The following PCDH11Y variants were observed in gnomAD, a reference collection of about 807,000 sequenced individuals.
PCDH11Y encodes protocadherin-11 Y-linked.
For missense variants in PCDH11Y, 12 were observed against 224.8 expected, an observed-to-expected ratio of 0.05 and a Z score of 6.05; for synonymous variants, 9 against 83.6, an observed-to-expected ratio of 0.11 and a Z score of 4.87.
At chrY:5,031,412 CATT>C (rs2052589930) in intron 1 of PCDH11Y, among the ~76,000 whole-genome samples, 1 of 32,704 alleles carries the variant, frequency 3.1e-5, no homozygotes. Context: ...ATATTAGTAT[CATT>C]ATTATCACTT....
At chrY:5,046,887 C>A in intron 3 of PCDH11Y, among the ~76,000 whole-genome samples, 1 of 33,696 alleles carries the variant, frequency 3.0e-5, no homozygotes, top group Non-Finnish European at 7.4e-5. Flanking sequence ...AGGTGCCATC[C>A]GTCACCCCTT....
chrY:5,547,468 A>G, intron 3 of PCDH11Y, among the ~76,000 whole-genome samples: 4 of 33,018 alleles, frequency 1.2e-4, no homozygotes, highest in Admixed American at 2.8e-4. Context: ...GTAAGATTCT[A>G]TAATTACATG....
chrY:5,593,780 G>T (rs1602947995), intron 4 of PCDH11Y, among the ~76,000 whole-genome samples: 2 of 31,717 alleles, frequency 6.3e-5, no homozygotes, highest in South Asian at 1.4e-3. Flanking sequence ...GAATTTGGGG[G>T]GCCAAGTCTC....
At chrY:5,341,180 C>T in intron 2 of PCDH11Y, among the ~76,000 whole-genome samples, 1 of 33,701 alleles carries the variant, frequency 3.0e-5, no homozygotes, top group Non-Finnish European at 7.4e-5. Flanking sequence ...AATCACGGCT[C>T]ATTGTAACTC....
chrY:5,687,696 A>G (rs2053564787), intron 4 of PCDH11Y, among the ~76,000 whole-genome samples: 1 of 32,547 alleles, frequency 3.1e-5, no homozygotes, highest in Non-Finnish European at 7.5e-5. Context: ...CAATAAAGCA[A>G]ATTTCTCTAC....
At chrY:5,294,635 A>G in intron 2 of PCDH11Y, among the ~76,000 whole-genome samples, 1 of 32,296 alleles carries the variant, frequency 3.1e-5, no homozygotes, top group Non-Finnish European at 7.5e-5. Flanking sequence ...TAAAAACTCT[A>G]CACTTTAACT....
At chrY:5,730,045 C>T in intron 4 of PCDH11Y, among the ~76,000 whole-genome samples, 1 of 33,061 alleles carries the variant, frequency 3.0e-5, no homozygotes, top group Non-Finnish European at 7.5e-5. Flanking sequence ...AGTCTGAAAT[C>T]AGATAATGTG....
At chrY:5,180,821 G>A in intron 2 of PCDH11Y, among the ~76,000 whole-genome samples, 1 of 33,097 alleles carries the variant, frequency 3.0e-5, no homozygotes, top group Non-Finnish European at 7.4e-5. Flanking sequence ...CTTTGCCCAT[G>A]AGCTGGGCCT....
At chrY:5,206,443 T>C in intron 2 of PCDH11Y, among the ~76,000 whole-genome samples, 1 of 26,502 alleles carries the variant, frequency 3.8e-5, no homozygotes, top group African/African-American at 1.5e-4. Flanking sequence ...CCACAGAAAA[T>C]GGAAGACTCT....
chrY:5,317,120 C>T (rs2124665330), intron 2 of PCDH11Y, among the ~76,000 whole-genome samples: 1 of 32,577 alleles, frequency 3.1e-5, no homozygotes. Flanking sequence ...AACATTAGAT[C>T]GGTTGGAAAG....
At chrY:5,386,252 G>C (rs1602917016) in intron 2 of PCDH11Y, among the ~76,000 whole-genome samples, 1 of 32,972 alleles carries the variant, frequency 3.0e-5, no homozygotes, top group Non-Finnish European at 7.5e-5. Context: ...TTCTTTTTTA[G>C]GTTACCTGGT....
chrY:5,418,830 GA>G (rs2053255471), intron 2 of PCDH11Y, among the ~76,000 whole-genome samples: 1 of 33,122 alleles, frequency 3.0e-5, no homozygotes, highest in Non-Finnish European at 7.5e-5. Context: ...TATTGTATAA[GA>G]AAAACACTAG....
At chrY:5,321,063 C>A in intron 2 of PCDH11Y, among the ~76,000 whole-genome samples, 1 of 32,306 alleles carries the variant, frequency 3.1e-5, no homozygotes, top group Non-Finnish European at 7.6e-5. Flanking sequence ...ATACACATAT[C>A]ATATTGTATT....
intron 2 of PCDH11Y, among the ~76,000 whole-genome samples, chrY:5,406,721 C>T: frequency 6.0e-5 from 2 of 33,523 alleles, no homozygotes; most frequent in Non-Finnish European, 1.5e-4. Flanking sequence ...CGCATTTCTA[C>T]GTACTACCTG....
intron 2 of PCDH11Y, among the ~76,000 whole-genome samples, chrY:5,243,131 A>C: frequency 3.0e-5 from 1 of 33,864 alleles, no homozygotes; most frequent in Non-Finnish European, 7.3e-5. Context: ...TCTGGAAATT[A>C]ATGGCATTTG....
At chrY:5,443,575 G>A in intron 2 of PCDH11Y, among the ~76,000 whole-genome samples, 2 of 33,000 alleles carry the variant, frequency 6.1e-5, no homozygotes. Context: ...ACTAAAAATA[G>A]AACTACCATA....
At chrY:5,066,783 T>G in intron 1 of PCDH11Y, among the ~76,000 whole-genome samples, 1 of 32,081 alleles carries the variant, frequency 3.1e-5, no homozygotes, top group Non-Finnish European at 7.7e-5. Context: ...AAGTTATTCC[T>G]AAGGGATCAG....
chrY:5,729,572 C>G (rs2124714953), intron 4 of PCDH11Y, among the ~76,000 whole-genome samples: 1 of 31,936 alleles, frequency 3.1e-5, no homozygotes, highest in South Asian at 7.0e-4. Flanking sequence ...TATAGGTTGT[C>G]TGTTCACCTG....
chrY:5,082,733 G>A (rs207480119), intron 1 of PCDH11Y, among the ~76,000 whole-genome samples: 4 of 32,712 alleles, frequency 1.2e-4, no homozygotes, highest in Admixed American at 2.8e-4. Context: ...GTGATATCCC[G>A]TTTATCATTT....
Sources: gnomAD v4.1 joint callset for allele counts (sites outside exome capture counted in the v4.1 genomes callset) on GRCh38, gnomAD v4.1.1 for gene constraint, MANE v1.5 for transcripts, NCBI Gene and HGNC (gene_info 2026-07-23, HGNC 2026-07-21) for gene names.